CTNNA2: variants seen among roughly 807,000 people sequenced by gnomAD.
The protein encoded by CTNNA2 is catenin alpha 2, also known as catenin alpha-2.
CTNNA2 carries 42 observed loss-of-function variants against 101.0 expected under a neutral mutation model. That is an observed-to-expected ratio of 0.42 (90% CI 0.32 to 0.54). The LOEUF (loss-of-function observed/expected upper bound fraction) is 0.54. CTNNA2 is among the 20% of genes least tolerant of loss of function. The probability of loss-of-function intolerance (pLI) is 0.14; values close to 1 mark genes in which losing one functional copy is unlikely to be tolerated. For synonymous variants in CTNNA2, 450 were observed against 456.4 expected (o/e 0.99, Z 0.18); for missense variants, 871 against 1,223.1 (o/e 0.71, Z 4.29).
At chr2:79,467,006 A>C (rs752798146) in intron 4 of CTNNA2, among the ~76,000 whole-genome samples, 5 of 152,246 alleles carry the variant, frequency 3.3e-5, no homozygotes, top group Admixed American at 2.0e-4. Context: ...CCTCGCTAAC[A>C]ATGGAACAAA....
intron 9 of CTNNA2, among the ~76,000 whole-genome samples, chr2:80,485,026 A>C (rs1343487843): frequency 6.6e-6 from 1 of 152,096 alleles, no homozygotes; most frequent in African/African-American, 2.4e-5. Context: ...AATAACAATA[A>C]TAATAATAAT....
At chr2:79,602,770 A>G (rs546895918) in intron 1 of CTNNA2, among the ~76,000 whole-genome samples, 3 of 152,302 alleles carry the variant, frequency 2.0e-5, no homozygotes, top group Admixed American at 6.5e-5. Context: ...TAAGACCTTC[A>G]TGAAAAAATC....
intron 1 of CTNNA2, among the ~76,000 whole-genome samples, chr2:79,589,171 C>T (rs1042480383): frequency 2.6e-5 from 4 of 152,148 alleles, no homozygotes; most frequent in Non-Finnish European, 4.4e-5. Context: ...AATAGAAGGC[C>T]ATTACCCTTT....
chr2:80,158,311 T>C (rs2148939818), intron 7 of CTNNA2, among the ~76,000 whole-genome samples: 1 of 152,336 alleles, frequency 6.6e-6, no homozygotes, highest in Non-Finnish European at 1.5e-5. Context: ...GTCTCATACA[T>C]TTTAACAGAA....
At chr2:80,596,279 G>GTTTTTGTTTTTTTTTTTTT (rs1696952431) in intron 15 of CTNNA2, among the ~76,000 whole-genome samples, 1 of 35,286 alleles carries the variant, frequency 2.8e-5, no homozygotes, top group Admixed American at 4.3e-4. Context: ...AGACAAGGTT[G>GTTTTTGTTTTTTTTTTTTT]TTTTTTTTTT....
At chr2:79,749,201 A>T (rs1671843232) in intron 3 of CTNNA2, among the ~76,000 whole-genome samples, 1 of 152,028 alleles carries the variant, frequency 6.6e-6, no homozygotes, top group Non-Finnish European at 1.5e-5. Flanking sequence ...TAGACAAGGA[A>T]TGAATCTCTA....
chr2:80,284,625 A>AT (rs992594201), intron 7 of CTNNA2, among the ~76,000 whole-genome samples: 12 of 150,672 alleles, frequency 8.0e-5, no homozygotes, highest in East Asian at 3.9e-4. Context: ...TCAATCACAC[A>AT]TTTTTTTTTG....
chr2:79,561,927 T>C (rs1674807290), intron 1 of CTNNA2, among the ~76,000 whole-genome samples: 1 of 151,954 alleles, frequency 6.6e-6, no homozygotes, highest in Admixed American at 6.6e-5. Flanking sequence ...AGTTTTTTGA[T>C]GGTGTGCTTT....
intron 3 of CTNNA2, among the ~76,000 whole-genome samples, chr2:79,359,753 G>C (rs1677587324): frequency 6.6e-6 from 1 of 152,034 alleles, no homozygotes; most frequent in South Asian, 2.1e-4. Flanking sequence ...GGCAGAAAGA[G>C]GTTCTAAACC....
At chr2:79,425,010 TA>T (rs1227555351) in intron 4 of CTNNA2, among the ~76,000 whole-genome samples, 2 of 152,116 alleles carry the variant, frequency 1.3e-5, no homozygotes, top group Non-Finnish European at 2.9e-5. Flanking sequence ...CAGCTGGTAG[TA>T]AAATAAAATC....
At chr2:79,972,525 A>G (rs566565792) in intron 7 of CTNNA2, among the ~76,000 whole-genome samples, 2 of 152,292 alleles carry the variant, frequency 1.3e-5, no homozygotes, top group East Asian at 1.9e-4. Context: ...TGATCTTCAC[A>G]AGACAGGGAA....
chr2:79,385,176 G>A (rs1206528453), intron 4 of CTNNA2, among the ~76,000 whole-genome samples: 2 of 152,170 alleles, frequency 1.3e-5, no homozygotes, highest in Non-Finnish European at 2.9e-5. Flanking sequence ...TGAGTGTCTA[G>A]TGTATTGGGT....
chr2:79,581,816 A>G (rs542073886), intron 1 of CTNNA2, among the ~76,000 whole-genome samples: 1 of 152,320 alleles, frequency 6.6e-6, no homozygotes, highest in African/African-American at 2.4e-5. Context: ...ATTTCAAATA[A>G]ATGTTTTAAA....
chr2:79,937,885 A>G (rs1051410772), intron 7 of CTNNA2, among the ~76,000 whole-genome samples: 2 of 152,322 alleles, frequency 1.3e-5, no homozygotes, highest in Non-Finnish European at 2.9e-5. Flanking sequence ...TGATGAAGAA[A>G]GTTTTTGTTT....
intron 2 of CTNNA2, among the ~76,000 whole-genome samples, chr2:79,260,870 G>C (rs905217574): frequency 2.6e-5 from 4 of 152,132 alleles, no homozygotes; most frequent in African/African-American, 9.7e-5. Context: ...CAGGAAGAAG[G>C]GGGCATTCAA....
intron 3 of CTNNA2, among the ~76,000 whole-genome samples, chr2:79,768,554 G>A (rs1673334908): frequency 6.6e-6 from 1 of 151,740 alleles, no homozygotes; most frequent in African/African-American, 2.4e-5. Flanking sequence ...ACAAGACACA[G>A]TAAATATTTA....
At position 80,313,349 on chromosome 2, in the gene CTNNA2, G is replaced by C. The variant is rs1372710063; in HGVS notation, c.1057-79862G>C. ...CTGCTATTCTTGTTTTTGTTCATTTGTTGTAAGTCAGATGGAATTTTACCC... is the reference window on the plus strand; with the variant it reads ...CTGCTATTCTTGTTTTTGTTCATTTCTTGTAAGTCAGATGGAATTTTACCC... On this transcript the variant is annotated intron_variant, in intron 7 of 18. Coordinates refer to ENST00000402739, the MANE Select transcript of CTNNA2 (RefSeq NM_001282597.3). 15 of 1,338,558 alleles carry C rather than the reference G, an allele frequency of 1.1e-5. No homozygotes were observed. The South Asian group carries it at 1.2e-4, about 11-fold the overall frequency. The allele number at this position is 1,338,558 out of a possible 1,614,324, so 82.9% of individuals were successfully genotyped here. A position where few individuals can be genotyped will look rare whatever the true frequency, so the allele number is the denominator to read the frequency against.
intron 18 of CTNNA2, among the ~76,000 whole-genome samples, chr2:80,628,850 G>T (rs758665425): frequency 4.6e-5 from 7 of 152,132 alleles, no homozygotes; most frequent in Middle Eastern, 3.4e-3. Flanking sequence ...AATCTGAAAA[G>T]CACTGGGAAG....
intron 2 of CTNNA2, among the ~76,000 whole-genome samples, chr2:79,282,464 G>A (rs993590347): frequency 1.3e-5 from 2 of 151,710 alleles, no homozygotes; most frequent in African/African-American, 4.8e-5. Context: ...GTGTCCACGT[G>A]TTCTCATTGT....
Sources: gnomAD v4.1 joint callset for allele counts (sites outside exome capture counted in the v4.1 genomes callset) on GRCh38, gnomAD v4.1.1 for gene constraint, MANE v1.5 for transcripts, NCBI Gene and HGNC (gene_info 2026-07-23, HGNC 2026-07-21) for gene names.